Variants in LHPP observed in about 807,000 individuals in gnomAD.
The protein encoded by LHPP is phospholysine phosphohistidine inorganic pyrophosphate phosphatase, also known as hLHPP.
Under a neutral mutation model 30.3 loss-of-function variants are expected in LHPP, and 24 were observed. The ratio of observed to expected loss-of-function variants is 0.79; its 90% confidence interval spans 0.57 to 1.11. LHPP has a LOEUF of 1.11. LHPP is among the 50% of genes most tolerant of loss of function. LHPP has a pLI of 0.00. For missense variants in LHPP, 356 were observed against 367.2 expected (o/e 0.97, Z 0.25); for synonymous variants, 150 against 157.1 (o/e 0.95, Z 0.34).
chr10:124,489,277 A>G (rs1953440029), intron 3 of LHPP, among the ~76,000 whole-genome samples: 1 of 152,218 alleles, frequency 6.6e-6, no homozygotes, highest in South Asian at 2.1e-4. Context: ...ATGTCCTTGC[A>G]AGTGGCTTCC....
At chr10:124,549,140 G>T (rs1329118566) in intron 6 of LHPP, among the ~76,000 whole-genome samples, 5 of 152,156 alleles carry the variant, frequency 3.3e-5, no homozygotes, top group African/African-American at 7.2e-5. Flanking sequence ...GGACATAAAG[G>T]TTTGATGAAT....
chr10:124,471,783 G>A (rs1248190812), intron 1 of LHPP, among the ~76,000 whole-genome samples: 1 of 125,360 alleles, frequency 8.0e-6, no homozygotes, highest in Non-Finnish European at 1.6e-5. Flanking sequence ...AAATATTTAT[G>A]AGAACAGTGT....
At chr10:124,472,635 T>C (rs368658190) in intron 1 of LHPP, among the ~76,000 whole-genome samples, 1 of 151,788 alleles carries the variant, frequency 6.6e-6, no homozygotes, top group South Asian at 2.1e-4. Context: ...CTCAGCTCAC[T>C]GCAACCTTGG....
chr10:124,509,740 C>T (rs1012292575), intron 5 of LHPP, among the ~76,000 whole-genome samples: 15 of 151,978 alleles, frequency 9.9e-5, no homozygotes, highest in African/African-American at 3.6e-4. Context: ...CTCAGGGCAT[C>T]TCCCTGGGGG....
chr10:124,485,762 G>A (rs2002357), intron 2 of LHPP, among the ~76,000 whole-genome samples: 22,643 of 151,884 alleles, frequency 0.15, 1,964 homozygotes, highest in Non-Finnish European at 0.18. Flanking sequence ...CACCACGCCC[G>A]CCTAATTTTT....
intron 6 of LHPP, among the ~76,000 whole-genome samples, chr10:124,595,620 C>T (rs1288851005): frequency 6.6e-6 from 1 of 152,204 alleles, no homozygotes; most frequent in African/African-American, 2.4e-5. Flanking sequence ...CATTCCCAGG[C>T]TTCTGGTGTA....
chr10:124,534,786 T>C (rs1589838976), intron 6 of LHPP, among the ~76,000 whole-genome samples: 1 of 152,068 alleles, frequency 6.6e-6, no homozygotes, highest in South Asian at 2.1e-4. Context: ...CTGTCGGTGG[T>C]GTGGCTTTGG....
chr10:124,531,771 G>A (rs563593617), intron 6 of LHPP, among the ~76,000 whole-genome samples: 3 of 152,348 alleles, frequency 2.0e-5, no homozygotes, highest in Non-Finnish European at 4.4e-5. Context: ...ACCACATAAT[G>A]TGTTTTTCCC....
chr10:124,570,967 C>T (rs964712663), intron 6 of LHPP, among the ~76,000 whole-genome samples: 3 of 152,154 alleles, frequency 2.0e-5, no homozygotes, highest in Non-Finnish European at 2.9e-5. Context: ...AATTGAATCA[C>T]GGGGGCAGGT....
intron 6 of LHPP, among the ~76,000 whole-genome samples, chr10:124,531,001 G>A (rs1758040947): frequency 6.6e-6 from 1 of 152,224 alleles, no homozygotes; most frequent in Non-Finnish European, 1.5e-5. Context: ...TTCCCTGCGA[G>A]TTTGGAGAGG....
intron 6 of LHPP, among the ~76,000 whole-genome samples, chr10:124,569,696 C>T (rs1161013268): frequency 6.6e-6 from 1 of 152,170 alleles, no homozygotes; most frequent in Non-Finnish European, 1.5e-5. Flanking sequence ...CTGCCACCTC[C>T]ACCATCACAG....
intron 6 of LHPP, among the ~76,000 whole-genome samples, chr10:124,571,660 A>G (rs531945350): frequency 2.3e-4 from 34 of 150,860 alleles, no homozygotes; most frequent in Non-Finnish European, 4.6e-4. Flanking sequence ...GAGATCATGG[A>G]CCTCTTATAC....
At chr10:124,552,734 G>A (rs571876335) in intron 6 of LHPP, among the ~76,000 whole-genome samples, 4 of 152,110 alleles carry the variant, frequency 2.6e-5, no homozygotes, top group South Asian at 2.1e-4. Flanking sequence ...CAAGGTCCCC[G>A]CCTGCAAAGG....
rs1954661565 is a variant in LHPP at position 124,523,551 on chromosome 10, T to C, written c.716+6280T>C. Among the ~76,000 whole-genome samples the C allele has an allele frequency of 6.6e-6, 1 of 152,218 alleles. No individual in the cohort carries two copies. The highest frequency in any genetic ancestry group is 6.5e-5 in the Admixed American group (1 of 15,290). On this transcript the variant is annotated intron_variant, in intron 6 of 6. Transcript: ENST00000368842. The surrounding 1 kb of genome is among the most constrained non-coding windows in gnomAD (Gnocchi z 4.2). ...AAGGCTGTGGATTCGCTTTGGAACA[T>C]GACAGATTTTTCTTCTGTGCTACGT...
chr10:124,565,239 A>G (rs947293797), intron 6 of LHPP, among the ~76,000 whole-genome samples: 8 of 152,100 alleles, frequency 5.3e-5, no homozygotes, highest in Non-Finnish European at 1.2e-4. Flanking sequence ...CCTGCTTGGA[A>G]ATAATTTTTT....
chr10:124,565,630 C>T (rs1259134702), intron 6 of LHPP, among the ~76,000 whole-genome samples: 2 of 152,226 alleles, frequency 1.3e-5, no homozygotes, highest in East Asian at 1.9e-4. Context: ...GAAAGGAATG[C>T]TACCCCACGC....
intron 6 of LHPP, among the ~76,000 whole-genome samples, chr10:124,540,725 C>T (rs1279892518): frequency 6.6e-6 from 1 of 152,062 alleles, no homozygotes; most frequent in Non-Finnish European, 1.5e-5. Context: ...GAAAGAGCAT[C>T]TTCTCCAGCC....
At chr10:124,495,912 T>C (rs980888213) in intron 3 of LHPP, among the ~76,000 whole-genome samples, 1 of 152,216 alleles carries the variant, frequency 6.6e-6, no homozygotes, top group African/African-American at 2.4e-5. Context: ...ATTAGGAAAC[T>C]GAGGCCCACA....
chr10:124,540,994 T>C (rs1203328495), intron 6 of LHPP, among the ~76,000 whole-genome samples: 1 of 152,222 alleles, frequency 6.6e-6, no homozygotes, highest in Non-Finnish European at 1.5e-5. Context: ...TGTTTTAATG[T>C]TTTTTCTCAC....
Sources: gnomAD v4.1 joint callset for allele counts (sites outside exome capture counted in the v4.1 genomes callset) on GRCh38, gnomAD v4.1.1 for gene constraint, Gnocchi (gnomAD v3.1) non-coding constraint, MANE v1.5 for transcripts, NCBI Gene and HGNC (gene_info 2026-07-23, HGNC 2026-07-21) for gene names.